THSD7B: variants seen among roughly 807,000 people sequenced by gnomAD.
The protein encoded by THSD7B is thrombospondin type 1 domain containing 7B.
In THSD7B, 138 loss-of-function variants were observed where a neutral mutation model predicts 213.6. That is an observed-to-expected ratio of 0.65 (90% CI 0.56 to 0.74). The LOEUF is 0.74. Among genes scored for constraint, THSD7B ranks in the 30% least tolerant of loss-of-function variants. THSD7B has a pLI of 0.00. For synonymous variants in THSD7B, 742 were observed against 687.0 expected (o/e 1.08, Z -1.25); for missense variants, 1,931 against 1,991.5 (o/e 0.97, Z 0.58).
At chr2:136,996,315 T>TC (rs1685888011) in intron 2 of THSD7B, among the ~76,000 whole-genome samples, 4 of 111,230 alleles carry the variant, frequency 3.6e-5, no homozygotes, top group South Asian at 2.9e-4. Context: ...CCCTGTCTCT[T>TC]TCTTTCTTTC....
In THSD7B at chr2:137,487,236, C is replaced by G. The variant is rs993968055; in HGVS notation, c.3138+36213C>G. On this transcript the variant is annotated intron_variant, in intron 15 of 27. Coordinates refer to ENST00000409968, the MANE Select transcript of THSD7B (RefSeq NM_001316349.2). ...ACAAAAAATTAGCCGGGCGCAGTGGCGGGCGCCTGTAGTCCCAGCTACTGG... is the reference window on the plus strand; with the variant it reads ...ACAAAAAATTAGCCGGGCGCAGTGGGGGGCGCCTGTAGTCCCAGCTACTGG... 6.1e-5 allele frequency among the ~76,000 whole-genome samples: 9 copies of G among 147,658 alleles called. 1 individual carries two copies. The highest frequency in any genetic ancestry group is 2.1e-4 in the African/African-American group (8 of 38,376).
At chr2:136,781,572 G>A (rs530469091) in intron 1 of THSD7B, among the ~76,000 whole-genome samples, 13 of 151,798 alleles carry the variant, frequency 8.6e-5, no homozygotes, top group African/African-American at 2.9e-4. Context: ...GTGCCTGGCC[G>A]CCTACTTACC....
intron 15 of THSD7B, among the ~76,000 whole-genome samples, chr2:137,508,563 A>AT (rs1382316720): frequency 1.9e-5 from 2 of 106,562 alleles, no homozygotes; most frequent in Non-Finnish European, 4.0e-5. Flanking sequence ...TTTTTTTTGT[A>AT]TTTTTTTAGT....
chr2:137,581,783 AAAT>A (rs1164642921), intron 17 of THSD7B, among the ~76,000 whole-genome samples: 7 of 147,518 alleles, frequency 4.7e-5, no homozygotes, highest in Non-Finnish European at 1.0e-4. Context: ...AAAAAAAAAA[AAAT>A]AATAATAAAT....
At chr2:137,537,391 C>T (rs1419717908) in intron 15 of THSD7B, among the ~76,000 whole-genome samples, 1 of 151,590 alleles carries the variant, frequency 6.6e-6, no homozygotes, top group Non-Finnish European at 1.5e-5. Context: ...TTTAATTAGG[C>T]TATATAATAA....
chr2:137,450,451 G>T (rs199590643), intron 14 of THSD7B, among the ~76,000 whole-genome samples: 1 of 152,188 alleles, frequency 6.6e-6, no homozygotes, highest in East Asian at 1.9e-4. Flanking sequence ...AAGCCTTGCA[G>T]ATCATAGACC....
At chr2:136,975,423 C>A (rs1685465184) in intron 2 of THSD7B, among the ~76,000 whole-genome samples, 1 of 152,166 alleles carries the variant, frequency 6.6e-6, no homozygotes, top group African/African-American at 2.4e-5. Flanking sequence ...GTTCTCCCAG[C>A]ACTATTTATT....
chr2:136,919,351 T>A (rs952669984), intron 2 of THSD7B, among the ~76,000 whole-genome samples: 2 of 152,360 alleles, frequency 1.3e-5, no homozygotes, highest in South Asian at 2.1e-4. Flanking sequence ...ATTTTTGTAG[T>A]GTTTCCTTCC....
At chr2:137,165,739 A>G (rs1372929853) in intron 6 of THSD7B, among the ~76,000 whole-genome samples, 1 of 145,596 alleles carries the variant, frequency 6.9e-6, no homozygotes, top group Non-Finnish European at 1.5e-5. Context: ...ATACTTTCCT[A>G]GATATTTCAT....
At chr2:137,029,353 A>T (rs1419659624) in intron 2 of THSD7B, among the ~76,000 whole-genome samples, 14 of 152,132 alleles carry the variant, frequency 9.2e-5, no homozygotes, top group Non-Finnish European at 2.9e-5. Flanking sequence ...TGCTGAGGTT[A>T]CAGGCACCAT....
intron 4 of THSD7B, among the ~76,000 whole-genome samples, 154 bp from the exon 5 acceptor site, chr2:137,114,970 A>C (rs1688418345): frequency 6.6e-6 from 1 of 152,158 alleles, no homozygotes. Flanking sequence ...AAAGGGATTT[A>C]GTAATTCAAA....
chr2:137,436,813 C>T (rs1339750176), intron 14 of THSD7B, among the ~76,000 whole-genome samples: 2 of 152,084 alleles, frequency 1.3e-5, no homozygotes, highest in African/African-American at 4.8e-5. Context: ...TTTTCTTTCT[C>T]CAATTCTTTT....
chr2:136,771,461 G>A (rs143586068), intron 1 of THSD7B, among the ~76,000 whole-genome samples: 27 of 152,146 alleles, frequency 1.8e-4, no homozygotes, highest in African/African-American at 4.1e-4. Context: ...CTTGCCTGTC[G>A]TTAATTTCCT....
rs772083130 is a variant in THSD7B at position 137,656,792 on chromosome 2, C to G, written c.4106-4C>G. ...TCTCCACCCTGTACTGCATGACTGT[C>G]CAGGAGACTGCCATTTAACAGAATG... is the stretch of plus-strand genomic sequence containing the variant. On this transcript the variant is annotated splice_polypyrimidine_tract_variant and splice_region_variant and intron_variant, in intron 22 of 27. Transcript: ENST00000409968. The G allele has an allele frequency of 6.2e-7, 1 of 1,613,166 alleles. No homozygotes were observed. The highest frequency in any genetic ancestry group is 1.1e-5 in the South Asian group (1 of 91,004).
intron 5 of THSD7B, among the ~76,000 whole-genome samples, chr2:137,135,185 T>G (rs576320057): frequency 5.4e-4 from 83 of 152,360 alleles, no homozygotes; most frequent in Non-Finnish European, 9.1e-4. Flanking sequence ...TTATTCTATT[T>G]GCCCAAGCTG....
rs1209544570 is a variant in THSD7B, at chr2:137,546,399, ATATAT to A, written c.3139-16816_3139-16812del. On this transcript the variant is annotated intron_variant, in intron 15 of 27. Coordinates refer to ENST00000409968, the MANE Select transcript of THSD7B (RefSeq NM_001316349.2). ...ATAATATATATATTATATATATTATATATATTATATATATATTATATATATTATAT... is the reference window on the plus strand; with the variant it reads ...ATAATATATATATTATATATATTATATATATATATATTATATATATTATAT... Among the ~76,000 whole-genome samples, 233 of 42,988 alleles carry A rather than the reference ATATAT, an allele frequency of 5.4e-3. 4 individuals carry two copies. The highest frequency in any genetic ancestry group is 0.021 in the African/African-American group (147 of 7,046). The allele number at this position is 42,988 out of a possible 152,430, so 28.2% of individuals were successfully genotyped here. A position where few individuals can be genotyped will look rare whatever the true frequency, so the allele number is the denominator to read the frequency against.
At chr2:137,081,064 G>T (rs1687739086) in intron 3 of THSD7B, among the ~76,000 whole-genome samples, 6 of 152,068 alleles carry the variant, frequency 3.9e-5, no homozygotes, top group Admixed American at 3.9e-4. Context: ...TGAGAAGTTT[G>T]TTGCCAGTTT....
intron 15 of THSD7B, among the ~76,000 whole-genome samples, chr2:137,457,005 A>G (rs1687775432): frequency 6.6e-6 from 1 of 152,172 alleles, no homozygotes; most frequent in Non-Finnish European, 1.5e-5. Flanking sequence ...ATTGAGCTGA[A>G]TGGAGCTTAG....
intron 2 of THSD7B, among the ~76,000 whole-genome samples, chr2:137,046,652 C>T (rs578186717): frequency 2.0e-5 from 3 of 150,444 alleles, no homozygotes; most frequent in South Asian, 2.1e-4. Context: ...ATCATTTGAA[C>T]CTGGGAGGCA....
Sources: gnomAD v4.1 joint callset for allele counts (sites outside exome capture counted in the v4.1 genomes callset) on GRCh38, gnomAD v4.1.1 for gene constraint, MANE v1.5 for transcripts, NCBI Gene and HGNC (gene_info 2026-07-23, HGNC 2026-07-21) for gene names.